The following PHEX variants were observed in gnomAD, a reference collection of about 807,000 sequenced individuals.
The protein encoded by PHEX is phosphate-regulating neutral endopeptidase PHEX.
Under a neutral mutation model 68.0 loss-of-function variants are expected in PHEX, and 16 were observed. The observed-to-expected ratio is 0.24, with a 90% CI of 0.16 to 0.36. The LOEUF (loss-of-function observed/expected upper bound fraction) is 0.36. PHEX is among the 10% of genes least tolerant of loss of function. PHEX has a pLI of 1.00. For missense variants in PHEX, 480 were observed against 575.5 expected (o/e 0.83, Z 1.70); for synonymous variants, 208 against 205.1 (o/e 1.01, Z -0.12).
At position 22,142,096 on chromosome X, in the gene PHEX, CA is replaced by C. The variant is rs756832563; in HGVS notation, c.1404+8478del. Among the ~76,000 whole-genome samples the C allele has an allele frequency of 4.5e-5, 5 of 111,187 alleles. No individual in the cohort carries two copies. In the East Asian group the frequency reaches 1.4e-3, roughly 31 times the overall value. On this transcript the variant is annotated intron_variant, in intron 12 of 21. Transcript: ENST00000379374. Reference sequence around the variant, plus strand: ...TGAAACCCTGTCTCTACTAAAAATACAAAAAATTAGCCGGGTGTGGTGGCAG... The same window carrying C: ...TGAAACCCTGTCTCTACTAAAAATACAAAAATTAGCCGGGTGTGGTGGCAG...
chrX:22,128,752 A>C, intron 11 of PHEX, among the ~76,000 whole-genome samples: 1 of 110,296 alleles, frequency 9.1e-6, no homozygotes. Context: ...TTATTGCTAC[A>C]TCCTGGCCAG....
intron 15 of PHEX, among the ~76,000 whole-genome samples, chrX:22,197,904 C>A (rs1934417600): frequency 9.1e-6 from 1 of 109,446 alleles, no homozygotes. Context: ...TACTTAACAT[C>A]TTTAAGCCTC....
intron 21 of PHEX, among the ~76,000 whole-genome samples, chrX:22,246,274 A>G (rs1027265445): frequency 1.3e-4 from 15 of 112,090 alleles, no homozygotes; most frequent in Non-Finnish European, 2.1e-4. Flanking sequence ...CCCAAAAACC[A>G]TAATAATTTA....
intron 12 of PHEX, among the ~76,000 whole-genome samples, chrX:22,154,017 C>A (rs2147105279): frequency 9.0e-6 from 1 of 111,666 alleles, no homozygotes; most frequent in Admixed American, 9.5e-5. Context: ...GTTTTTTATT[C>A]TTTGTCCCTT....
intron 3 of PHEX, among the ~76,000 whole-genome samples, chrX:22,060,082 G>C (rs754197404): frequency 9.6e-6 from 1 of 103,938 alleles, no homozygotes; most frequent in South Asian, 4.3e-4. Context: ...TTGAGCCCAG[G>C]AATTCAAGGC....
intron 20 of PHEX, among the ~76,000 whole-genome samples, chrX:22,236,690 T>C (rs979858591): frequency 1.8e-5 from 2 of 112,373 alleles, no homozygotes; most frequent in East Asian, 2.8e-4. Context: ...AGTTGAATAA[T>C]TGAAACAGGG....
At chrX:22,243,005 G>A (rs1405738700) in intron 20 of PHEX, among the ~76,000 whole-genome samples, 1 of 111,848 alleles carries the variant, frequency 8.9e-6, no homozygotes, top group South Asian at 3.8e-4. Context: ...AAAGCTGGAG[G>A]CATCACACTA....
At chrX:22,035,678 C>A (rs1361763220) in intron 1 of PHEX, among the ~76,000 whole-genome samples, 1 of 111,448 alleles carries the variant, frequency 9.0e-6, no homozygotes, top group Non-Finnish European at 1.9e-5. Context: ...CCCCTGCTTT[C>A]TGGCCATTCT....
Position 22,123,864 on chromosome X carries a change from C to A in PHEX, c.1302+9278C>A, listed in dbSNP as rs778119676. Reference sequence around the variant, plus strand: ...TTTTTTTTTTTGAGACCAAGTCTCGCCCTGTTGCCCAGGCTGGAGTGCAGT... The same window carrying A: ...TTTTTTTTTTTGAGACCAAGTCTCGACCTGTTGCCCAGGCTGGAGTGCAGT... On this transcript the variant is annotated intron_variant, in intron 11 of 21. Transcript: ENST00000379374. Among the ~76,000 whole-genome samples, 158 of 105,969 alleles carry A rather than the reference C, an allele frequency of 1.5e-3. 1 individual carries two copies. The highest frequency in any genetic ancestry group is 5.1e-3 in the African/African-American group (145 of 28,592). 92.0% of individuals were successfully genotyped at this position (105,969 alleles called of 115,157 possible). A position where few individuals can be genotyped will look rare whatever the true frequency, so the allele number is the denominator to read the frequency against.
intron 6 of PHEX, among the ~76,000 whole-genome samples, 170 bp from the exon 7 acceptor site, chrX:22,093,813 A>C (rs943833800): frequency 8.9e-6 from 1 of 111,974 alleles, no homozygotes; most frequent in African/African-American, 3.2e-5. Flanking sequence ...TTTTTCTCCC[A>C]AAGTGTTATA....
intron 21 of PHEX, among the ~76,000 whole-genome samples, chrX:22,246,559 G>A (rs1368727445): frequency 8.9e-6 from 1 of 112,065 alleles, no homozygotes; most frequent in East Asian, 2.8e-4. Flanking sequence ...TGTTCCCACT[G>A]ACCAATGGTG....
At chrX:22,098,887 C>T in intron 8 of PHEX, 119 bp from the exon 9 acceptor site, 1 of 476,780 alleles carries the variant, frequency 2.1e-6, no homozygotes. Flanking sequence ...GTAGTTGCAT[C>T]TTGAATTATT....
At chrX:22,048,754 T>A (rs1194996343) in intron 3 of PHEX, among the ~76,000 whole-genome samples, 1 of 112,081 alleles carries the variant, frequency 8.9e-6, no homozygotes, top group Non-Finnish European at 1.9e-5. Context: ...AAGTAAATTG[T>A]TAAGCACAGG....
At chrX:22,073,679 G>A (rs991327524) in intron 3 of PHEX, among the ~76,000 whole-genome samples, 14 of 74,868 alleles carry the variant, frequency 1.9e-4, no homozygotes, top group Admixed American at 1.5e-3. Context: ...ACACTTTGTC[G>A]CCCACGCTGG....
At chrX:22,073,258 T>TA (rs1201915818) in intron 3 of PHEX, among the ~76,000 whole-genome samples, 1 of 113,284 alleles carries the variant, frequency 8.8e-6, no homozygotes, top group Non-Finnish European at 1.9e-5. Context: ...AGTCACCACT[T>TA]ACTGATCCCC....
intron 2 of PHEX, among the ~76,000 whole-genome samples, chrX:22,042,654 G>C (rs895001400): frequency 1.8e-5 from 2 of 110,925 alleles, no homozygotes; most frequent in African/African-American, 6.6e-5. Context: ...GCGTGGTGGC[G>C]CAAGTCTGTA....
At chrX:22,188,054 A>G (rs941707134) in intron 14 of PHEX, among the ~76,000 whole-genome samples, 3 of 111,751 alleles carry the variant, frequency 2.7e-5, no homozygotes, top group African/African-American at 9.8e-5. Flanking sequence ...AGCTAAATAT[A>G]ATGATAATGA....
rs139313240 is a variant in PHEX at position 22,190,352 on chromosome X, G to T, written c.1587-92G>T. ...ACATCCCCATTGTTCCATGTTATCTGCTAATAAACCCAGCCATGCTGTGTT... is the reference window on the plus strand; with the variant it reads ...ACATCCCCATTGTTCCATGTTATCTTCTAATAAACCCAGCCATGCTGTGTT... On this transcript the variant is annotated intron_variant, in intron 14 of 21. Coordinates refer to ENST00000379374, the MANE Select transcript of PHEX (RefSeq NM_000444.6). 1,140 of 612,790 alleles carry T rather than the reference G, an allele frequency of 1.9e-3. 15 individuals are homozygous for T. In the African/African-American group the frequency reaches 0.021, roughly 11 times the overall value. 50.5% of individuals were successfully genotyped at this position (612,790 alleles called of 1,213,427 possible). A position where few individuals can be genotyped will look rare whatever the true frequency, so the allele number is the denominator to read the frequency against.
chrX:22,113,008 TGTG>T (rs1931053053), intron 10 of PHEX, among the ~76,000 whole-genome samples: 1 of 32,711 alleles, frequency 3.1e-5, no homozygotes, highest in African/African-American at 5.8e-4. Context: ...GTAGGTTTTG[TGTG>T]TGTGTGTGTG....
Sources: allele counts gnomAD v4.1 joint callset (sites outside exome capture counted in the v4.1 genomes callset), GRCh38; gene constraint gnomAD v4.1.1; transcripts MANE v1.5; gene names NCBI Gene and HGNC (gene_info 2026-07-23, HGNC 2026-07-21).